The following RP1 variants were observed in gnomAD, a reference collection of about 807,000 sequenced individuals.
The protein encoded by RP1 is RP1 axonemal microtubule associated.
RP1 carries 16 observed loss-of-function variants against 14.8 expected under a neutral mutation model. That is an observed-to-expected ratio of 1.08 (90% CI 0.73 to 1.65). The LOEUF (loss-of-function observed/expected upper bound fraction) is 1.65. Among genes scored for constraint, RP1 ranks in the 40% most tolerant of loss-of-function variants. The pLI, the probability that RP1 is intolerant of heterozygous loss-of-function variation, is 0.00. For synonymous variants in RP1, 876 were observed against 883.6 expected, an observed-to-expected ratio of 0.99 and a Z score of 0.15; for missense variants, 2,631 against 2,535.0, an observed-to-expected ratio of 1.04 and a Z score of -0.81.
chr8:54,804,268 G>A (rs1810793172), intron 24 of RP1, among the ~76,000 whole-genome samples: 1 of 151,780 alleles, frequency 6.6e-6, no homozygotes, highest in South Asian at 2.1e-4. Flanking sequence ...TTTAAAAAAG[G>A]CAACTTCTAA....
intron 1 of RP1, among the ~76,000 whole-genome samples, chr8:54,618,071 G>C (rs1313678699): frequency 6.6e-6 from 1 of 152,174 alleles, no homozygotes; most frequent in Admixed American, 6.5e-5. Flanking sequence ...TCACACATAT[G>C]AAGATCATGT....
chr8:54,633,710 C>CT (rs1806291723), downstream of RP1, among the ~76,000 whole-genome samples: 1 of 118,530 alleles, frequency 8.4e-6, no homozygotes, highest in Admixed American at 9.2e-5. Context: ...TTATTTTGTG[C>CT]CTCTCTCTCT....
intron 3 of RP1, among the ~76,000 whole-genome samples, chr8:54,637,147 G>T (rs1806365109): frequency 6.6e-6 from 1 of 152,166 alleles, no homozygotes; most frequent in Admixed American, 6.5e-5. Context: ...ATCCTGCTAG[G>T]AACTTGTGGA....
chr8:54,836,589 TC>T (rs1180397094), intron 24 of RP1, among the ~76,000 whole-genome samples: 1 of 152,110 alleles, frequency 6.6e-6, no homozygotes, highest in Non-Finnish European at 1.5e-5. Flanking sequence ...GGGAACTCAA[TC>T]CTACAGCCTC....
Position 54,627,127 on chromosome 8 carries a change from T to C in RP1, c.3245T>C (p.Leu1082Pro). ...ATAGAAGAGGAAACTCCAAAAGACC[T>C]CTTACCAGTCCTGATGCTTCACCAA... ...DPIEEETPKD[L>P]LPVLMLHQLQ... The change falls in exon 4 of 4, where the codon CTC becomes CCC. Residue 1082 changes from leucine (L) to proline (P), a missense_variant. Transcript: ENST00000220676. 1 of 1,614,066 alleles carries C rather than the reference T, an allele frequency of 6.2e-7. No individual in the cohort carries two copies. Among genetic ancestry groups the C allele is most frequent in the Non-Finnish European group, 8.5e-7 (1 of 1,179,990 alleles).
chr8:54,838,118 A>G (rs1171832447), intron 25 of RP1, among the ~76,000 whole-genome samples: 1 of 152,226 alleles, frequency 6.6e-6, no homozygotes, highest in Non-Finnish European at 1.5e-5. Context: ...AGAGGTGACA[A>G]TATATATCCA....
chr8:54,564,476 A>G (rs1326940573), intron 1 of RP1, among the ~76,000 whole-genome samples: 12 of 152,168 alleles, frequency 7.9e-5, no homozygotes, highest in Non-Finnish European at 1.8e-4. Flanking sequence ...TGTGACAATA[A>G]AAGGTGTTCA....
chr8:54,700,132 G>A (rs1807977488), intron 13 of RP1, among the ~76,000 whole-genome samples: 1 of 152,058 alleles, frequency 6.6e-6, no homozygotes, highest in South Asian at 2.1e-4. Flanking sequence ...AAGCTAGTAA[G>A]TGTGGAAGCA....
intron 17 of RP1, among the ~76,000 whole-genome samples, chr8:54,730,758 A>G (rs1233518479): frequency 6.6e-6 from 1 of 152,164 alleles, no homozygotes; most frequent in East Asian, 1.9e-4. Context: ...TGTGTTAGTT[A>G]TCTCTACCAG....
intron 24 of RP1, among the ~76,000 whole-genome samples, chr8:54,817,584 C>T (rs1811163942): frequency 6.6e-6 from 1 of 152,126 alleles, no homozygotes; most frequent in South Asian, 2.1e-4. Context: ...ACAGAAAATG[C>T]TGATACCTCT....
chr8:54,706,481 A>G, exon 15 of RP1: 1 of 1,535,808 alleles, frequency 6.5e-7, no homozygotes, highest in Non-Finnish European at 8.7e-7. Context: ...TGCTTGCTAC[A>G]AGCCTGTGTC....
At chr8:54,696,403 G>A (rs1430353460) in intron 12 of RP1, 17 of 677,552 alleles carry the variant, frequency 2.5e-5, no homozygotes, top group Middle Eastern at 4.4e-4. Flanking sequence ...GAAAGATGGC[G>A]GAGCAAGAGC....
At chr8:54,574,228 T>A (rs1004481395) in intron 1 of RP1, among the ~76,000 whole-genome samples, 3 of 152,150 alleles carry the variant, frequency 2.0e-5, no homozygotes, top group Non-Finnish European at 2.9e-5. Context: ...GCCCTGGTAG[T>A]GTACATATCA....
In RP1 at chr8:54,709,045, C is replaced by A. The variant is rs137927702; in HGVS notation, c.2211+2390C>A. Among the ~76,000 whole-genome samples, 486 of 152,268 alleles carry A rather than the reference C, an allele frequency of 3.2e-3. 2 individuals carry two copies. Among genetic ancestry groups the A allele is most frequent in the Non-Finnish European group, 5.5e-3 (371 of 68,008 alleles). ...AGTGTGAGCCTGGTTAAGTATCTCA[C>A]CCAGAGTCCCCAGGTAGCCTTAGAG... On this transcript the variant is annotated intron_variant, in intron 15 of 22. Coordinates refer to the RP1 transcript ENST00000636932.
intron 24 of RP1, among the ~76,000 whole-genome samples, chr8:54,819,307 C>CT (rs1563385935): frequency 6.6e-6 from 1 of 151,804 alleles, no homozygotes; most frequent in Non-Finnish European, 1.5e-5. Flanking sequence ...TTTGCTTGAT[C>CT]TTTTTTATTA....
intron 1 of RP1, among the ~76,000 whole-genome samples, chr8:54,591,808 TG>T (rs948467722): frequency 5.3e-5 from 8 of 152,118 alleles, no homozygotes; most frequent in Non-Finnish European, 4.4e-5. Context: ...GGCTGTTGGC[TG>T]GGGTAACTGG....
At chr8:54,770,056 T>C, downstream of RP1, 1 of 445,468 alleles carries the variant, frequency 2.2e-6, no homozygotes, top group Non-Finnish European at 3.9e-6. Context: ...TCACGTTTCT[T>C]CTTTTCCCAC....
intron 24 of RP1, among the ~76,000 whole-genome samples, chr8:54,803,197 A>G (rs1177326124): frequency 6.6e-6 from 1 of 152,216 alleles, no homozygotes; most frequent in Non-Finnish European, 1.5e-5. Context: ...TTGTTTTTCA[A>G]ATGAATTTTC....
At chr8:54,611,407 C>A (rs1332897449), upstream of RP1, among the ~76,000 whole-genome samples, 1 of 152,160 alleles carries the variant, frequency 6.6e-6, no homozygotes, top group Non-Finnish European at 1.5e-5. Flanking sequence ...TTCTGGTCAT[C>A]AAACTCAAAA....
Sources: allele counts gnomAD v4.1 joint callset (sites outside exome capture counted in the v4.1 genomes callset), GRCh38; gene constraint gnomAD v4.1.1; transcripts MANE v1.5; gene names NCBI Gene and HGNC (gene_info 2026-07-23, HGNC 2026-07-21).